Variants in AKAP13 observed in about 807,000 individuals in gnomAD.
AKAP13 encodes A-kinase anchoring protein 13.
A neutral mutation model predicts 264.5 loss-of-function variants in AKAP13; 80 were observed. That is an observed-to-expected ratio of 0.30 (90% CI 0.25 to 0.36). The LOEUF is 0.36. AKAP13 is among the 10% of genes least tolerant of loss of function. AKAP13 has a pLI of 1.00. For synonymous variants in AKAP13, 1,380 were observed against 1,250.2 expected (o/e 1.10, Z -2.19); for missense variants, 3,712 against 3,435.2 (o/e 1.08, Z -2.01).
chr15:85,596,834 A>G (rs1252681610), intron 8 of AKAP13, among the ~76,000 whole-genome samples: 1 of 152,160 alleles, frequency 6.6e-6, no homozygotes, highest in Non-Finnish European at 1.5e-5. Flanking sequence ...TATGTGAGAT[A>G]CGTGTGTATG....
At chr15:85,396,702 A>G (rs2071129935) in intron 1 of AKAP13, among the ~76,000 whole-genome samples, 1 of 152,322 alleles carries the variant, frequency 6.6e-6, no homozygotes, top group Non-Finnish European at 1.5e-5. Flanking sequence ...GATATGAAAC[A>G]GACAACTTTA....
At chr15:85,737,667 T>C (rs1250775220) in intron 33 of AKAP13, among the ~76,000 whole-genome samples, 5 of 152,118 alleles carry the variant, frequency 3.3e-5, no homozygotes, top group African/African-American at 1.2e-4. Context: ...AACCTGAGCT[T>C]ATGGAAGCTA....
intron 5 of AKAP13, chr15:85,544,194 AT>A: frequency 1.5e-6 from 1 of 651,132 alleles, no homozygotes; most frequent in East Asian, 3.1e-5. Context: ...GCCTTCTTCA[AT>A]TCTTATCTCT....
At chr15:85,562,798 C>T (rs1166102529) in intron 5 of AKAP13, among the ~76,000 whole-genome samples, 9 of 142,672 alleles carry the variant, frequency 6.3e-5, no homozygotes, top group Non-Finnish European at 1.1e-4. Flanking sequence ...TGGGTTCAAG[C>T]GATTCTCCTG....
At chr15:85,534,370 C>T (rs184226003) in intron 4 of AKAP13, 2 of 160,460 alleles carry the variant, frequency 1.2e-5, no homozygotes, top group Admixed American at 6.4e-5. Flanking sequence ...GTTAGTGTCA[C>T]TCTTACTGAC....
At chr15:85,492,840 A>G (rs2075768784) in intron 2 of AKAP13, among the ~76,000 whole-genome samples, 1 of 152,218 alleles carries the variant, frequency 6.6e-6, no homozygotes, top group Admixed American at 6.5e-5. Context: ...GTATCACATT[A>G]GGAGGACACA....
intron 8 of AKAP13, among the ~76,000 whole-genome samples, chr15:85,617,866 T>C (rs1481640309): frequency 6.6e-6 from 1 of 152,254 alleles, no homozygotes; most frequent in African/African-American, 2.4e-5. Context: ...CAAGTTCCCA[T>C]GCTTTTGATA....
chr15:85,491,405 T>G lies in AKAP13; in HGVS notation c.33+5652T>G, dbSNP rs551016592. Among the ~76,000 whole-genome samples the G allele has an allele frequency of 3.0e-4, 45 of 151,376 alleles. No individual in the cohort carries two copies. In the South Asian group the frequency reaches 9.4e-3, roughly 32 times the overall value. ...TTGGACTACCCTTTTGAGGAAAAAATAGTTTTAGTCCTTTCTAGTTGTCAT... is the reference window on the plus strand; with the variant it reads ...TTGGACTACCCTTTTGAGGAAAAAAGAGTTTTAGTCCTTTCTAGTTGTCAT... On this transcript the variant is annotated intron_variant, in intron 2 of 36. Coordinates refer to ENST00000394518, the MANE Select transcript of AKAP13 (RefSeq NM_007200.5).
intron 3 of AKAP13, among the ~76,000 whole-genome samples, chr15:85,524,156 A>T (rs2076934503): frequency 6.6e-6 from 1 of 151,898 alleles, no homozygotes; most frequent in Non-Finnish European, 1.5e-5. Flanking sequence ...GAGAAGAAAA[A>T]GAGCTTTGTG....
At chr15:85,737,419 T>C (rs1019286120) in intron 33 of AKAP13, among the ~76,000 whole-genome samples, 2 of 152,232 alleles carry the variant, frequency 1.3e-5, no homozygotes, top group Non-Finnish European at 2.9e-5. Flanking sequence ...CGATACATGA[T>C]AATTGCTTTT....
intron 9 of AKAP13, among the ~76,000 whole-genome samples, chr15:85,644,835 A>G (rs2151487574): frequency 6.6e-6 from 1 of 152,122 alleles, no homozygotes; most frequent in African/African-American, 2.4e-5. Flanking sequence ...GCTCATATCC[A>G]CTCAGTAATG....
At chr15:85,740,411 C>T (rs1445457620) in intron 34 of AKAP13, 139 bp downstream of exon 34, 18 of 900,814 alleles carry the variant, frequency 2.0e-5, no homozygotes, top group South Asian at 3.4e-5. Context: ...GACTGGCTCT[C>T]GTGGTGAGAA....
At chr15:85,611,700 C>G (rs147303362) in intron 8 of AKAP13, among the ~76,000 whole-genome samples, 7 of 152,184 alleles carry the variant, frequency 4.6e-5, no homozygotes, top group African/African-American at 1.7e-4. Flanking sequence ...AACAACTCTT[C>G]GATTGCTTTT....
intron 1 of AKAP13, among the ~76,000 whole-genome samples, chr15:85,409,502 G>T (rs2071839260): frequency 6.6e-6 from 1 of 151,428 alleles, no homozygotes; most frequent in African/African-American, 2.4e-5. Flanking sequence ...TAAATTGGTT[G>T]TAGGAATTAT....
In AKAP13 at chr15:85,623,130, CTG is replaced by C. The variant is rs1287004482; in HGVS notation, c.4162-16241_4162-16240del. 2.0e-5 allele frequency among the ~76,000 whole-genome samples: 3 copies of C among 152,144 alleles called. No individual in the cohort carries two copies. The East Asian group carries it at 5.8e-4, about 29-fold the overall frequency. On this transcript the variant is annotated intron_variant, in intron 8 of 36. Transcript: ENST00000394518. ...TGTTTTAAAAACTATAGTTGGGTGC[CTG>C]TGCCACATAAATTCTCAAGCCGTCA...
chr15:85,630,611 T>G (rs1482125630), intron 8 of AKAP13, among the ~76,000 whole-genome samples: 1 of 152,178 alleles, frequency 6.6e-6, no homozygotes, highest in Admixed American at 6.5e-5. Flanking sequence ...CTTAACACAG[T>G]TTTTAAAAAA....
chr15:85,722,925 A>G, intron 25 of AKAP13, 147 bp from the exon 26 acceptor site: 2 of 1,015,000 alleles, frequency 2.0e-6, no homozygotes, highest in South Asian at 3.6e-5. Context: ...CAAGAAGGAT[A>G]GGCACATGAT....
At chr15:85,687,638 G>A (rs185875700) in intron 16 of AKAP13, among the ~76,000 whole-genome samples, 143 of 152,062 alleles carry the variant, frequency 9.4e-4, no homozygotes, top group Non-Finnish European at 1.6e-3. Context: ...AGTGTTTAGA[G>A]TGCCCTAGTG....
At chr15:85,558,431 A>G (rs2078229083) in intron 5 of AKAP13, among the ~76,000 whole-genome samples, 1 of 152,244 alleles carries the variant, frequency 6.6e-6, no homozygotes, top group Admixed American at 6.5e-5. Flanking sequence ...TTAGAAGCTT[A>G]TTGGACTTGT....
Sources: gnomAD v4.1 joint callset for allele counts (sites outside exome capture counted in the v4.1 genomes callset) on GRCh38, gnomAD v4.1.1 for gene constraint, MANE v1.5 for transcripts, NCBI Gene and HGNC (gene_info 2026-07-23, HGNC 2026-07-21) for gene names.